The following LIPA variants were observed in gnomAD, a reference collection of about 807,000 sequenced individuals.
LIPA encodes the protein lipase A, lysosomal acid type.
In LIPA, 26 loss-of-function variants were observed where a neutral mutation model predicts 40.6. That is an observed-to-expected ratio of 0.64 (90% CI 0.47 to 0.89). The LOEUF (loss-of-function observed/expected upper bound fraction) is 0.89. Among genes scored for constraint, LIPA ranks in the 40% least tolerant of loss-of-function variants. The pLI is 0.00. For missense variants in LIPA, 455 were observed against 479.6 expected (o/e 0.95, Z 0.48); for synonymous variants, 188 against 168.4 (o/e 1.12, Z -0.90).
intron 7 of LIPA, among the ~76,000 whole-genome samples, chr10:89,222,830 A>G (rs1027672768): frequency 7.9e-5 from 12 of 152,200 alleles, no homozygotes; most frequent in Non-Finnish European, 1.3e-4. Context: ...TTTCGTTTAC[A>G]GGGCATTTTC....
intron 1 of LIPA, among the ~76,000 whole-genome samples, chr10:89,341,905 T>C (rs904798966): frequency 2.0e-5 from 3 of 152,212 alleles, no homozygotes; most frequent in South Asian, 4.1e-4. Flanking sequence ...TAGTTAATAA[T>C]GATATGTTGC....
chr10:89,393,084 A>C (rs967505187), intron 2 of LIPA: 1 of 1,232,540 alleles, frequency 8.1e-7, no homozygotes, highest in African/African-American at 1.5e-5. Context: ...AGCTTGTCTG[A>C]GTAGAGGCAT....
chr10:89,354,087 T>C (rs1430248429), intron 2 of LIPA, among the ~76,000 whole-genome samples: 1 of 152,240 alleles, frequency 6.6e-6, no homozygotes, highest in Non-Finnish European at 1.5e-5. Context: ...TTCTTTCTTC[T>C]AAGGAGGCAA....
rs190017357 is a variant in LIPA, at chr10:89,386,564, G to A, written c.61+26227C>T. On this transcript the variant is annotated intron_variant, in intron 2 of 8. Transcript: ENST00000371837. The stretch of plus-strand genomic sequence containing the variant: ...TAGGGGAGATTTGCCTCCATTCATG[G>A]AATTAATCTAAATGAGACATCTGAG... Among the ~76,000 whole-genome samples, 145 of 152,244 alleles carry A rather than the reference G, an allele frequency of 9.5e-4. 2 individuals carry two copies. In the Middle Eastern group the frequency reaches 0.02, roughly 21 times the overall value.
intron 1 of LIPA, among the ~76,000 whole-genome samples, chr10:89,288,878 A>G (rs1843355409): frequency 6.6e-6 from 1 of 152,238 alleles, no homozygotes; most frequent in South Asian, 2.1e-4. Context: ...ATGCTGTTAC[A>G]TGGGCAAAAA....
intron 2 of LIPA, chr10:89,403,932 G>T: frequency 2.5e-6 from 1 of 408,152 alleles, no homozygotes; most frequent in Non-Finnish European, 4.3e-6. Context: ...GTGCTATGTA[G>T]TAGAGAAAAA....
intron 1 of LIPA, among the ~76,000 whole-genome samples, chr10:89,260,872 T>C (rs1177433002): frequency 1.3e-5 from 2 of 152,134 alleles, no homozygotes; most frequent in South Asian, 2.1e-4. Flanking sequence ...AGTTCAGATA[T>C]CCAGGACGCT....
At chr10:89,259,401 A>T (rs919548870) in intron 1 of LIPA, among the ~76,000 whole-genome samples, 5 of 152,240 alleles carry the variant, frequency 3.3e-5, no homozygotes, top group African/African-American at 1.2e-4. Flanking sequence ...TCTACCCACC[A>T]GGATGGCTAA....
chr10:89,267,830 A>G (rs2133490776), intron 1 of LIPA, among the ~76,000 whole-genome samples: 1 of 152,206 alleles, frequency 6.6e-6, no homozygotes, highest in South Asian at 2.1e-4. Context: ...CCGCCTGTCA[A>G]CAAAACCCAA....
chr10:89,385,336 T>G (rs955090243), intron 2 of LIPA: 1 of 152,298 alleles, frequency 6.6e-6, no homozygotes, highest in Admixed American at 6.5e-5. Context: ...ACCCCCCTCA[T>G]TTTTTCCTCT....
upstream of LIPA, among the ~76,000 whole-genome samples, chr10:89,254,281 C>T (rs1843170140): frequency 6.6e-6 from 1 of 152,242 alleles, no homozygotes; most frequent in South Asian, 2.1e-4. Context: ...CTCTGAAATA[C>T]AGGTGGAGGT....
At chr10:89,276,370 A>AC (rs531011460) in intron 1 of LIPA, among the ~76,000 whole-genome samples, 128 of 152,352 alleles carry the variant, frequency 8.4e-4, no homozygotes, top group Non-Finnish European at 1.5e-3. Context: ...ACATTTCTCA[A>AC]CTTTTTCCAG....
chr10:89,380,564 G>A (rs1438820758), intron 2 of LIPA, among the ~76,000 whole-genome samples: 4 of 151,682 alleles, frequency 2.6e-5, no homozygotes, highest in African/African-American at 4.8e-5. Flanking sequence ...AGCCCAAGTC[G>A]CTGGGACTAC....
intron 1 of LIPA, among the ~76,000 whole-genome samples, chr10:89,304,373 G>A (rs1329296599): frequency 1.3e-5 from 2 of 152,092 alleles, no homozygotes; most frequent in African/African-American, 2.4e-5. Flanking sequence ...TTCTTAGTGA[G>A]GTTACAGGAA....
At chr10:89,329,347 TG>T (rs1843628097) in intron 1 of LIPA, among the ~76,000 whole-genome samples, 1 of 152,178 alleles carries the variant, frequency 6.6e-6, no homozygotes, top group Admixed American at 6.5e-5. Context: ...ATGTTAATTG[TG>T]TCTGTGTGAG....
intron 2 of LIPA, among the ~76,000 whole-genome samples, chr10:89,399,628 C>A (rs945760516): frequency 6.6e-6 from 1 of 152,066 alleles, no homozygotes; most frequent in African/African-American, 2.4e-5. Flanking sequence ...AAAAGACCAT[C>A]CTTTCCCCAT....
intron 1 of LIPA, chr10:89,302,009 C>A (rs1843447907): frequency 9.3e-7 from 1 of 1,071,910 alleles, no homozygotes; most frequent in Non-Finnish European, 1.4e-6. Context: ...GAACCAGAGG[C>A]CACTTGTATA....
At chr10:89,386,741 A>G (rs1405883662) in intron 2 of LIPA, among the ~76,000 whole-genome samples, 1 of 152,262 alleles carries the variant, frequency 6.6e-6, no homozygotes, top group African/African-American at 2.4e-5. Context: ...AGAAGTAACA[A>G]GAGATTTACA....
At chr10:89,265,650 T>C (rs1843231984) in intron 1 of LIPA, among the ~76,000 whole-genome samples, 1 of 152,238 alleles carries the variant, frequency 6.6e-6, no homozygotes, top group African/African-American at 2.4e-5. Flanking sequence ...ATATGCAGTC[T>C]AGTTTCTAAC....
Sources: gnomAD v4.1 joint callset for allele counts (sites outside exome capture counted in the v4.1 genomes callset) on GRCh38, gnomAD v4.1.1 for gene constraint, MANE v1.5 for transcripts, NCBI Gene and HGNC (gene_info 2026-07-23, HGNC 2026-07-21) for gene names.